Variants in PCDHGB7 observed in about 807,000 individuals in gnomAD.
The protein encoded by PCDHGB7 is protocadherin gamma subfamily B, 7, also known as protocadherin gamma-B7.
A neutral mutation model predicts 61.4 loss-of-function variants in PCDHGB7; 37 were observed. The ratio of observed to expected loss-of-function variants is 0.60; its 90% CI spans 0.46 to 0.79. The LOEUF is 0.79. Among genes scored for constraint, PCDHGB7 ranks in the 30% least tolerant of loss-of-function variants. The pLI is 0.00. For synonymous variants in PCDHGB7, 464 were observed against 503.5 expected (o/e 0.92, Z 1.05); for missense variants, 1,166 against 1,202.5 (o/e 0.97, Z 0.45).
intron 1 of PCDHGB7, among the ~76,000 whole-genome samples, chr5:141,481,148 C>G (rs2099532606): frequency 6.6e-6 from 1 of 152,176 alleles, no homozygotes; most frequent in Non-Finnish European, 1.5e-5. Context: ...AAGTGTTATT[C>G]TGGTATTTGC....
chr5:141,467,321 G>A (rs2099141786), intron 1 of PCDHGB7, among the ~76,000 whole-genome samples: 2 of 152,024 alleles, frequency 1.3e-5, no homozygotes, highest in East Asian at 1.9e-4. Context: ...CCACAGTGCT[G>A]GGATTAGAGA....
At chr5:141,445,148 C>A (rs1051995635) in intron 1 of PCDHGB7, among the ~76,000 whole-genome samples, 3 of 152,092 alleles carry the variant, frequency 2.0e-5, no homozygotes, top group Non-Finnish European at 4.4e-5. Context: ...TCTAATTGTT[C>A]ATTTCTAGTT....
chr5:141,433,358 C>CCTATCTATCTATCTATCTAT (rs3074541), intron 1 of PCDHGB7: 39 of 504,044 alleles, frequency 7.7e-5, no homozygotes, highest in Admixed American at 1.8e-4. Context: ...CTACTGTCTG[C>CCTATCTATCTATCTATCTAT]CTATCTATCT....
At chr5:141,497,742 T>C (rs2099779149) in intron 2 of PCDHGB7, among the ~76,000 whole-genome samples, 1 of 152,128 alleles carries the variant, frequency 6.6e-6, no homozygotes, top group South Asian at 2.1e-4. Context: ...TTTCGCCACG[T>C]TGGCCAGGCT....
Position 141,491,382 on chromosome 5 carries a change from G to T in PCDHGB7, c.2416-3425G>T, listed in dbSNP as rs918558. 0.21 allele frequency: 331,798 copies of T among 1,613,774 alleles called. 36,318 individuals are homozygous for T. The highest frequency in any genetic ancestry group is 0.37 in the Admixed American group (22,359 of 60,012). ...TAGTCACCTTCACCTTTCTGTCAGC[G>T]AAGTGCCTTCAGGGAAACGCAGACG... is the stretch of plus-strand genomic sequence containing the variant. On this transcript the variant is annotated intron_variant, in intron 1 of 3. Transcript: ENST00000398594. This position sits in a 1 kb window ranked among gnomAD's most constrained non-coding sequence, Gnocchi z 6.9.
At chr5:141,472,849 G>C (rs966051912) in intron 1 of PCDHGB7, among the ~76,000 whole-genome samples, 1 of 151,340 alleles carries the variant, frequency 6.6e-6, no homozygotes, top group East Asian at 2.0e-4. Flanking sequence ...AGCTGGGCAT[G>C]GTGGCACATG....
intron 1 of PCDHGB7, chr5:141,484,931 A>T: frequency 4.0e-6 from 2 of 498,120 alleles, no homozygotes; most frequent in South Asian, 5.3e-5. Context: ...TGCTGTTGGG[A>T]CGTTCTCTGC....
chr5:141,472,505 A>G (rs1041224118), intron 1 of PCDHGB7, among the ~76,000 whole-genome samples: 4 of 152,004 alleles, frequency 2.6e-5, no homozygotes, highest in African/African-American at 7.3e-5. Context: ...GTGCCACTGC[A>G]CTCCAGCCTG....
chr5:141,494,815 G>T lies in PCDHGB7; in HGVS notation c.2424G>T (p.Pro808=). The change falls in exon 2 of 4, where the codon CCG becomes CCT. Residue 808 remains proline, a synonymous_variant. Transcript: ENST00000398594. ...CTCTGTTTTCTCCACAGCAAGCCCC[G>T]CCCAACACGGACTGGCGTTTCTCTC... The part of the protein sequence containing the change: ...ADKKILKQQA[P]PNTDWRFSQA... 1.2e-6 allele frequency: 2 copies of T among 1,613,976 alleles called. No individual in the cohort carries two copies. The highest frequency in any genetic ancestry group is 1.1e-5 in the South Asian group (1 of 91,072).
chr5:141,490,229 T>C lies in PCDHGB7; in HGVS notation c.2416-4578T>C. The C allele has an allele frequency of 6.2e-7, 1 of 1,614,198 alleles. No individual in the cohort carries two copies. Among genetic ancestry groups the C allele is most frequent in the Non-Finnish European group, 8.5e-7 (1 of 1,180,034 alleles). On this transcript the variant is annotated intron_variant, in intron 1 of 3. Coordinates refer to ENST00000398594, the MANE Select transcript of PCDHGB7 (RefSeq NM_018927.4). The surrounding 1 kb of genome is among the most constrained non-coding windows in gnomAD (Gnocchi z 5.4). ...GCCCGTGACCAGGGACAGCCTGCCA[T>C]GGAGGGCCACTGTGTGATTCAAGTG... is the stretch of plus-strand genomic sequence containing the variant.
intron 1 of PCDHGB7, among the ~76,000 whole-genome samples, chr5:141,435,303 A>G (rs2097757060): frequency 6.6e-6 from 1 of 152,192 alleles, no homozygotes; most frequent in Admixed American, 6.5e-5. Flanking sequence ...TCATGGTTTT[A>G]AATCATTCAT....
chr5:141,463,438 C>CTTTTTTTT (rs71576115), intron 1 of PCDHGB7, among the ~76,000 whole-genome samples: 3 of 103,252 alleles, frequency 2.9e-5, no homozygotes, highest in African/African-American at 8.9e-5. Context: ...TTTCCTTCTC[C>CTTTTTTTT]TTTTTTTTTT....
rs371350905 is a variant in PCDHGB7 at position 141,476,860 on chromosome 5, G to A, written c.2416-17947G>A. The A allele has an allele frequency of 6.7e-5, 108 of 1,613,762 alleles. No individual in the cohort carries two copies. The highest frequency in any genetic ancestry group is 1.6e-4 in the East Asian group (7 of 44,884). ...ATGCGCCTGTCTTCAACCAGTCCTT[G>A]TACCGGGCGCGCGTCCTGGAGGATG... is the stretch of plus-strand genomic sequence containing the variant. On this transcript the variant is annotated intron_variant, in intron 1 of 3. Transcript: ENST00000398594. This position sits in a 1 kb window ranked among gnomAD's most constrained non-coding sequence, Gnocchi z 7.6.
chr5:141,440,393 G>A (rs1444541990), intron 1 of PCDHGB7: 1 of 152,180 alleles, frequency 6.6e-6, no homozygotes, highest in Admixed American at 6.5e-5. Flanking sequence ...TTGAACCCGA[G>A]AGGCAATCGC....
chr5:141,445,828 G>A (rs1188169953), intron 1 of PCDHGB7, among the ~76,000 whole-genome samples: 2 of 152,188 alleles, frequency 1.3e-5, no homozygotes, highest in African/African-American at 2.4e-5. Context: ...AAGGCAGGGA[G>A]AGCCTTGTAA....
At chr5:141,506,680 A>G (rs949777571) in intron 3 of PCDHGB7, among the ~76,000 whole-genome samples, 1 of 152,212 alleles carries the variant, frequency 6.6e-6, no homozygotes, top group Non-Finnish European at 1.5e-5. Context: ...ATATATTATT[A>G]TCTTTGCTGA....
rs1415142555 is a variant in PCDHGB7, at chr5:141,476,011, A to G, written c.2416-18796A>G. The G allele has an allele frequency of 7.6e-7, 1 of 1,311,282 alleles. No individual in the cohort carries two copies. The highest frequency in any genetic ancestry group is 1.0e-6 in the Non-Finnish European group (1 of 962,238). 81.2% of individuals were successfully genotyped at this position (1,311,282 alleles called of 1,614,324 possible). ...GCAAATCAACGGCATCCAGAAAGCC[A>G]TGTCGGACTCGGCGCCCAGCGCCCA... On this transcript the variant is annotated intron_variant, in intron 1 of 3. Coordinates refer to ENST00000398594, the MANE Select transcript of PCDHGB7 (RefSeq NM_018927.4). This position sits in a 1 kb window ranked among gnomAD's most constrained non-coding sequence, Gnocchi z 7.6.
Position 141,490,310 on chromosome 5 carries a change from AC to A in PCDHGB7, c.2416-4494del. 1 of 1,614,084 alleles carries A rather than the reference AC, an allele frequency of 6.2e-7. No homozygotes were observed. The highest frequency in any genetic ancestry group is 8.5e-7 in the Non-Finnish European group (1 of 1,180,012). ...GAGGTGCTATTGGCCTCTTTGGCCA[AC>A]CCTGTCCTAGAGAGCACACCAGTGG... is the stretch of plus-strand genomic sequence containing the variant. On this transcript the variant is annotated intron_variant, in intron 1 of 3. Transcript: ENST00000398594. This position sits in a 1 kb window ranked among gnomAD's most constrained non-coding sequence, Gnocchi z 5.4.
intron 1 of PCDHGB7, among the ~76,000 whole-genome samples, chr5:141,464,263 T>TA (rs35224477): frequency 7.1e-4 from 74 of 103,538 alleles, no homozygotes; most frequent in East Asian, 1.9e-3. Flanking sequence ...AGACTCCGTC[T>TA]AAAAAAAAAA....
Sources: allele counts gnomAD v4.1 joint callset (sites outside exome capture counted in the v4.1 genomes callset), GRCh38; gene constraint gnomAD v4.1.1; non-coding constraint Gnocchi (gnomAD v3.1); transcripts MANE v1.5; gene names NCBI Gene and HGNC (gene_info 2026-07-23, HGNC 2026-07-21).